The following CAMK2B variants were observed in gnomAD, a reference collection of about 807,000 sequenced individuals.
CAMK2B encodes calcium/calmodulin dependent protein kinase II beta.
A neutral mutation model predicts 93.7 loss-of-function variants in CAMK2B; 27 were observed. That is an observed-to-expected ratio of 0.29 (90% CI 0.21 to 0.40). The LOEUF is 0.40. Among genes scored for constraint, CAMK2B ranks in the 10% least tolerant of loss-of-function variants. CAMK2B has a pLI of 1.00. For missense variants in CAMK2B, 568 were observed against 895.8 expected (o/e 0.63, Z 4.67); for synonymous variants, 374 against 358.8 (o/e 1.04, Z -0.48).
At chr7:44,320,537 T>C (rs1483051802) in intron 1 of CAMK2B, among the ~76,000 whole-genome samples, 2 of 152,218 alleles carry the variant, frequency 1.3e-5, no homozygotes. Flanking sequence ...ATCTAGCGCG[T>C]TAATATAATA....
chr7:44,302,579 G>A (rs552114367), intron 1 of CAMK2B, among the ~76,000 whole-genome samples: 1 of 152,098 alleles, frequency 6.6e-6, no homozygotes, highest in African/African-American at 2.4e-5. Flanking sequence ...ATTTATCCCA[G>A]GTATGCAAGT....
chr7:44,322,729 G>C (rs1331897068), intron 1 of CAMK2B, among the ~76,000 whole-genome samples: 63 of 152,218 alleles, frequency 4.1e-4, no homozygotes, highest in Non-Finnish European at 2.9e-5. Flanking sequence ...CTGCTGCCCA[G>C]GCCTCTGGGG....
intron 2 of CAMK2B, among the ~76,000 whole-genome samples, chr7:44,282,890 T>A (rs1020270306): frequency 6.6e-6 from 1 of 152,130 alleles, no homozygotes; most frequent in Non-Finnish European, 1.5e-5. Flanking sequence ...CAGCTCCCAA[T>A]TAGCTCAGAT....
At chr7:44,267,885 G>T (rs2096933654) in intron 2 of CAMK2B, 1 of 152,280 alleles carries the variant, frequency 6.6e-6, no homozygotes. Context: ...GACATCCTCA[G>T]ATTCCAGCCC....
rs1219846967 is a variant in CAMK2B, at chr7:44,242,348, A to G, written c.697-8T>C. 1 of 1,612,104 alleles carries G rather than the reference A, an allele frequency of 6.2e-7. No individual in the cohort carries two copies. Among genetic ancestry groups the G allele is most frequent in the Non-Finnish European group, 8.5e-7 (1 of 1,178,886 alleles). The stretch of plus-strand genomic sequence containing the variant: ...CCACTCAGGGGACGGGAACTGCAGA[A>G]GGAAACAGCGCCCCGGCCGGGCCTG... On this transcript the variant is annotated splice_region_variant and splice_polypyrimidine_tract_variant and intron_variant, in intron 9 of 23. Transcript: ENST00000395749.
At position 44,243,453 on chromosome 7, in the gene CAMK2B, C is replaced by T; in HGVS notation, c.489G>A (p.Glu163=). ...ACCATGCCTGCTGGTCCCCCTGCAC[C>T]TCGATAGCTAGGCCGAAGTCTGCCA... ...VKLADFGLAI[E]VQGDQQAWFG... Residue 163 remains glutamate, a synonymous_variant, in exon 7 of 24, where the codon GAG becomes GAA. Transcript: ENST00000395749. The T allele has an allele frequency of 6.2e-7, 1 of 1,614,100 alleles. No individual in the cohort carries two copies. Among genetic ancestry groups the T allele is most frequent in the Non-Finnish European group, 8.5e-7 (1 of 1,180,006 alleles).
At chr7:44,272,185 G>C (rs115958674) in intron 2 of CAMK2B, among the ~76,000 whole-genome samples, 1 of 152,278 alleles carries the variant, frequency 6.6e-6, no homozygotes, top group African/African-American at 2.4e-5. Context: ...GGGGAATTGG[G>C]GGGGTGGGCA....
chr7:44,242,092 C>T (rs2096685319), intron 10 of CAMK2B, 126 bp downstream of exon 10: 1 of 1,176,310 alleles, frequency 8.5e-7, no homozygotes, highest in East Asian at 2.4e-5. Flanking sequence ...AAGGAGCACC[C>T]AGGGGACCCA....
intron 1 of CAMK2B, among the ~76,000 whole-genome samples, chr7:44,305,503 C>CA (rs927255355): frequency 1.3e-5 from 2 of 152,190 alleles, no homozygotes; most frequent in Non-Finnish European, 2.9e-5. Flanking sequence ...CAAAATGAAA[C>CA]AAAAAATCCC....
At chr7:44,242,827 G>A (rs2096693840) in intron 8 of CAMK2B, among the ~76,000 whole-genome samples, 173 bp from the exon 9 acceptor site, 1 of 152,136 alleles carries the variant, frequency 6.6e-6, no homozygotes, top group Non-Finnish European at 1.5e-5. Flanking sequence ...GGCACAGCCG[G>A]CCCCCTGACC....
At chr7:44,278,134 C>A (rs1315421091) in intron 2 of CAMK2B, among the ~76,000 whole-genome samples, 1 of 152,156 alleles carries the variant, frequency 6.6e-6, no homozygotes, top group South Asian at 2.1e-4. Context: ...GGCAGGGTGG[C>A]AGGCTGCCCG....
intron 1 of CAMK2B, among the ~76,000 whole-genome samples, chr7:44,313,207 C>T (rs1342147260): frequency 6.6e-6 from 1 of 152,210 alleles, no homozygotes; most frequent in Non-Finnish European, 1.5e-5. Context: ...CACTCCCTCG[C>T]TCCGTCCCAT....
In CAMK2B at chr7:44,225,681, C is replaced by G. The variant is rs2096466734; in HGVS notation, c.1597+835G>C. On this transcript the variant is annotated intron_variant, in intron 20 of 23. Transcript: ENST00000395749. This position sits in a 1 kb window ranked among gnomAD's most constrained non-coding sequence, Gnocchi z 5.0. ...TTCACTCTCCCCACACCCTTCTGCC[C>G]TGGCCGCCTGCAGCAGCCCCCAGGC... is the stretch of plus-strand genomic sequence containing the variant. The G allele has an allele frequency of 8.0e-7, 1 of 1,247,366 alleles. No individual in the cohort carries two copies. The highest frequency in any genetic ancestry group is 1.5e-5 in the African/African-American group (1 of 65,024). 77.3% of individuals were successfully genotyped at this position (1,247,366 alleles called of 1,614,324 possible). A position where few individuals can be genotyped will look rare whatever the true frequency, so the allele number is the denominator to read the frequency against.
intron 2 of CAMK2B, among the ~76,000 whole-genome samples, chr7:44,273,549 C>T (rs1321275673): frequency 2.9e-5 from 4 of 136,838 alleles, no homozygotes; most frequent in Non-Finnish European, 5.0e-5. Context: ...GATGGGTCCT[C>T]CACCTGGGGT....
At chr7:44,324,019 C>G (rs991110416) in intron 1 of CAMK2B, 24 of 153,934 alleles carry the variant, frequency 1.6e-4, no homozygotes, top group African/African-American at 5.1e-4. Context: ...CCTGGCCCCC[C>G]ACCCCACCCA....
intron 1 of CAMK2B, among the ~76,000 whole-genome samples, chr7:44,323,192 G>A (rs912780532): frequency 6.6e-5 from 10 of 152,232 alleles, no homozygotes; most frequent in South Asian, 2.1e-4. Flanking sequence ...GGGACCCGGC[G>A]CCTAGCAGGG....
At position 44,234,643 on chromosome 7, in the gene CAMK2B, A is replaced by G. The variant is rs1315953612; in HGVS notation, c.1055T>C (p.Val352Ala). 6.2e-7 allele frequency: 1 copy of G among 1,613,766 alleles called. No individual in the cohort carries two copies. Among genetic ancestry groups the G allele is most frequent in the Admixed American group, 1.7e-5 (1 of 60,002 alleles). ...AGGGCCCGGCTGGAGCCTCACCTTGACTCCATCTGCTTTCTTGTTGAGTAA... is the reference window on the plus strand; with the variant it reads ...AGGGCCCGGCTGGAGCCTCACCTTGGCTCCATCTGCTTTCTTGTTGAGTAA... ...KSLLNKKADG[V>A]KPQTNSTKNS... is the part of the protein sequence containing the mutation. The change falls in exon 14 of 24, where the codon GTC (valine) becomes GCC (alanine). Residue 352 changes from valine (V) to alanine (A), a missense_variant. Physicochemically the swap from Val to Ala is moderately conservative, Grantham distance 64. Transcript: ENST00000395749.
intron 1 of CAMK2B, among the ~76,000 whole-genome samples, chr7:44,308,805 C>T (rs745309155): frequency 6.6e-6 from 1 of 152,186 alleles, no homozygotes; most frequent in Non-Finnish European, 1.5e-5. Flanking sequence ...AGGCCTTGCA[C>T]ATCAGGCGGT....
At chr7:44,254,781 C>A (rs73096000) in intron 4 of CAMK2B, among the ~76,000 whole-genome samples, 174 bp from the exon 5 acceptor site, 1 of 242 alleles carries the variant, frequency 4.1e-3, no homozygotes, top group Non-Finnish European at 7.8e-3. Flanking sequence ...CCAACTACCA[C>A]CATCACCAGC....
Sources: gnomAD v4.1 joint callset for allele counts (sites outside exome capture counted in the v4.1 genomes callset) on GRCh38, gnomAD v4.1.1 for gene constraint, Gnocchi (gnomAD v3.1) non-coding constraint, MANE v1.5 for transcripts, NCBI Gene and HGNC (gene_info 2026-07-23, HGNC 2026-07-21) for gene names.